Variants in MRPS35 observed in about 807,000 individuals in gnomAD.
MRPS35 encodes mitochondrial ribosomal protein S35.
In MRPS35, 29 loss-of-function variants were observed where a neutral mutation model predicts 32.7. The observed-to-expected ratio is 0.89, with a 90% CI of 0.66 to 1.21. MRPS35 has a LOEUF of 1.21. MRPS35 is among the 50% of genes most tolerant of loss of function. The probability of loss-of-function intolerance (pLI) is 0.00; values close to 1 mark genes in which losing one functional copy is unlikely to be tolerated. For synonymous variants in MRPS35, 148 were observed against 139.3 expected (o/e 1.06, Z -0.44); for missense variants, 373 against 383.8 (o/e 0.97, Z 0.23).
chr12:27,738,375 AG>A (rs1282854622), intron 7 of MRPS35, among the ~76,000 whole-genome samples: 1 of 152,180 alleles, frequency 6.6e-6, no homozygotes, highest in Non-Finnish European at 1.5e-5. Flanking sequence ...GTGTTCAAAA[AG>A]TTTTGGATTT....
intron 4 of MRPS35, among the ~76,000 whole-genome samples, chr12:27,723,788 C>G (rs1218829712): frequency 6.6e-6 from 1 of 152,178 alleles, no homozygotes; most frequent in African/African-American, 2.4e-5. Flanking sequence ...CATCAAGGCA[C>G]AGTTCCCTTT....
chr12:27,722,258 T>C (rs776455156), intron 4 of MRPS35, among the ~76,000 whole-genome samples: 8 of 152,222 alleles, frequency 5.3e-5, no homozygotes, highest in Non-Finnish European at 7.3e-5. Context: ...AGATTTTATA[T>C]CTAACTTGCA....
intron 7 of MRPS35, among the ~76,000 whole-genome samples, chr12:27,743,154 T>C (rs959000993): frequency 6.6e-6 from 1 of 151,720 alleles, no homozygotes; most frequent in Admixed American, 6.6e-5. Context: ...AGCCACCACA[T>C]CCAGCCCCCT....
intron 5 of MRPS35, among the ~76,000 whole-genome samples, chr12:27,731,636 T>C (rs974396045): frequency 2.0e-5 from 3 of 152,184 alleles, no homozygotes; most frequent in Non-Finnish European, 4.4e-5. Flanking sequence ...TGGCGCGATC[T>C]TGGCTTACTG....
Position 27,722,083 on chromosome 12 carries a change from G to A in MRPS35, c.383-1964G>A, listed in dbSNP as rs925140526. Among the ~76,000 whole-genome samples the A allele has an allele frequency of 5.9e-5, 9 of 152,234 alleles. No individual in the cohort carries two copies. In the East Asian group the frequency reaches 1.5e-3, roughly 26 times the overall value. On this transcript the variant is annotated intron_variant, in intron 4 of 7. Transcript: ENST00000081029. ...TGAAAGGCTTTTATACAGCACATTC[G>A]GAAGAGTGGCATTATATTTTATAGT...
In MRPS35 at chr12:27,756,033, G is replaced by A. The variant is rs959333945; in HGVS notation, c.*583G>A. 6.6e-6 allele frequency: 1 copy of A among 152,238 alleles called. No homozygotes were observed. The highest frequency in any genetic ancestry group is 6.5e-5 in the Admixed American group (1 of 15,278). 9.4% of individuals were successfully genotyped at this position (152,238 alleles called of 1,614,324 possible). The stretch of plus-strand genomic sequence containing the variant: ...GTGGGGCTCATTTTGCCAGGGCCAA[G>A]CTACCAGAAAAGTAGAAGTGGAGAT... On this transcript the variant is annotated 3_prime_UTR_variant, in exon 8 of 8. Transcript: ENST00000081029.
Position 27,714,077 on chromosome 12 carries a change from A to G in MRPS35, c.113-703A>G, listed in dbSNP as rs1335602616. ...GCGAGAGTGAGATGACCTTGTCTCA[A>G]AAAAAAAAAAAAAAAAAGAAAGAAA... is the stretch of plus-strand genomic sequence containing the variant. On this transcript the variant is annotated intron_variant, in intron 1 of 7. Transcript: ENST00000081029. Among the ~76,000 whole-genome samples, 3 of 91,430 alleles carry G rather than the reference A, an allele frequency of 3.3e-5. No homozygotes were observed. In the East Asian group the frequency reaches 8.8e-4, roughly 27 times the overall value. The allele number at this position is 91,430 out of a possible 152,430, so 60.0% of individuals were successfully genotyped here. A position where few individuals can be genotyped will look rare whatever the true frequency, so the allele number is the denominator to read the frequency against.
chr12:27,716,794 T>C (rs555715105), intron 3 of MRPS35, among the ~76,000 whole-genome samples: 2 of 152,028 alleles, frequency 1.3e-5, no homozygotes, highest in African/African-American at 4.8e-5. Flanking sequence ...TCAAGACCAA[T>C]CTGGCCAACA....
intron 7 of MRPS35, among the ~76,000 whole-genome samples, chr12:27,750,960 G>A (rs2061999448): frequency 6.6e-6 from 1 of 151,778 alleles, no homozygotes; most frequent in Non-Finnish European, 1.5e-5. Context: ...AAAATTAGCT[G>A]GGCGTGGTAG....
At chr12:27,717,018 A>G (rs1414327177) in intron 3 of MRPS35, among the ~76,000 whole-genome samples, 4 of 152,086 alleles carry the variant, frequency 2.6e-5, no homozygotes, top group Admixed American at 2.6e-4. Flanking sequence ...TAATTAGTCA[A>G]TCTTGTGGCT....
Position 27,724,200 on chromosome 12 carries a change from T to C in MRPS35, c.522+14T>C. 6.5e-7 allele frequency: 1 copy of C among 1,543,686 alleles called. No homozygotes were observed. On this transcript the variant is annotated intron_variant, in intron 5 of 7. Transcript: ENST00000081029. ...GTAGTCTTAAGAGTAAGAGTTTTTTTCATTTTTTTTTTTTAAATAAGAATC... is the reference window on the plus strand; with the variant it reads ...GTAGTCTTAAGAGTAAGAGTTTTTTCCATTTTTTTTTTTTAAATAAGAATC...
At chr12:27,750,286 G>A (rs2061996720) in intron 7 of MRPS35, among the ~76,000 whole-genome samples, 1 of 152,130 alleles carries the variant, frequency 6.6e-6, no homozygotes, top group African/African-American at 2.4e-5. Context: ...CCAATAGATT[G>A]TGGACCTTTG....
intron 5 of MRPS35, among the ~76,000 whole-genome samples, chr12:27,731,644 C>T (rs947617260): frequency 1.3e-5 from 2 of 152,280 alleles, no homozygotes; most frequent in Admixed American, 1.3e-4. Flanking sequence ...TCTTGGCTTA[C>T]TGCAACCTCT....
intron 7 of MRPS35, 72 bp from the exon 8 acceptor site, chr12:27,755,109 G>A: frequency 7.0e-7 from 1 of 1,428,966 alleles, no homozygotes; most frequent in South Asian, 1.5e-5. Context: ...AAGAAAGAAA[G>A]GAAGAAACAA....
At chr12:27,711,409 C>T (rs1180668061) in intron 1 of MRPS35, among the ~76,000 whole-genome samples, 1 of 152,200 alleles carries the variant, frequency 6.6e-6, no homozygotes, top group East Asian at 1.9e-4. Flanking sequence ...TGATGACCTC[C>T]ATTTAACAGA....
At chr12:27,718,137 T>G (rs950937141) in intron 3 of MRPS35, among the ~76,000 whole-genome samples, 3 of 152,082 alleles carry the variant, frequency 2.0e-5, no homozygotes, top group Non-Finnish European at 4.4e-5. Context: ...TAAAACAATA[T>G]TTTCTGGCCA....
Position 27,735,472 on chromosome 12 carries a change from A to G in MRPS35, c.548A>G (p.Asp183Gly), listed in dbSNP as rs780817881. Residue 183 changes from aspartate to glycine, a missense_variant, in exon 6 of 8, where the codon GAT becomes GGT. By Grantham distance (94) the Asp-to-Gly change is moderately conservative. Transcript: ENST00000081029. The stretch of plus-strand genomic sequence containing the variant: ...GTAAAGCTTTCCAGTTTGAATTTAG[A>G]TGATCACGCAAAGAAGAAATTAATT... Reference protein sequence around the residue: ...LRVKLSSLNLDDHAKKKLIKL... With the variant: ...LRVKLSSLNLGDHAKKKLIKL... 3.1e-6 allele frequency: 5 copies of G among 1,609,778 alleles called. No homozygotes were observed. The South Asian group carries it at 5.6e-5, about 18-fold the overall frequency.
At chr12:27,737,496 T>G (rs1202617793) in intron 6 of MRPS35, 43 bp from the exon 7 acceptor site, 2 of 1,531,552 alleles carry the variant, frequency 1.3e-6, no homozygotes, top group Non-Finnish European at 1.8e-6. Context: ...TTCTGTGTAC[T>G]GAGTTTTTAG....
intron 7 of MRPS35, among the ~76,000 whole-genome samples, chr12:27,739,308 T>A (rs1294564979): frequency 6.6e-6 from 1 of 152,228 alleles, no homozygotes; most frequent in Non-Finnish European, 1.5e-5. Flanking sequence ...AAAAAAAATA[T>A]ACTCCTTGAA....
Sources: allele counts gnomAD v4.1 joint callset (sites outside exome capture counted in the v4.1 genomes callset), GRCh38; gene constraint gnomAD v4.1.1; transcripts MANE v1.5; gene names NCBI Gene and HGNC (gene_info 2026-07-23, HGNC 2026-07-21).